The following MBD5 variants were observed in gnomAD, a reference collection of about 807,000 sequenced individuals.
MBD5 encodes the protein methyl-CpG binding domain protein 5, also known as methyl-CpG-binding domain protein 5.
MBD5 carries 13 observed loss-of-function variants against 117.3 expected under a neutral mutation model. That is an observed-to-expected ratio of 0.11 (90% CI 0.07 to 0.18). The LOEUF (loss-of-function observed/expected upper bound fraction) is 0.18. Ranked by LOEUF, MBD5 falls within the 10% of genes least tolerant of loss-of-function variation. MBD5 has a pLI of 1.00. For synonymous variants in MBD5, 727 were observed against 766.4 expected, an observed-to-expected ratio of 0.95 and a Z score of 0.85; for missense variants, 1,879 against 2,093.8, an observed-to-expected ratio of 0.90 and a Z score of 2.00.
At chr2:148,152,753 G>A (rs989873106) in intron 1 of MBD5, among the ~76,000 whole-genome samples, 2 of 150,534 alleles carry the variant, frequency 1.3e-5, no homozygotes, top group South Asian at 2.1e-4. Context: ...CAGAGACTAG[G>A]ATTGCAACCC....
At chr2:148,147,430 C>A (rs972776362) in intron 1 of MBD5, among the ~76,000 whole-genome samples, 1 of 151,046 alleles carries the variant, frequency 6.6e-6, no homozygotes, top group African/African-American at 2.4e-5. Flanking sequence ...TTAGTAGAGA[C>A]GAGGTTTCAC....
chr2:148,103,735 A>T (rs954378644), intron 1 of MBD5, among the ~76,000 whole-genome samples: 4 of 152,144 alleles, frequency 2.6e-5, no homozygotes, highest in Non-Finnish European at 5.9e-5. Flanking sequence ...TGATTTTCTT[A>T]AAAAATTTCA....
At chr2:148,074,507 G>GTTTTTTTTTTTTGTTTTTTTTTTTTGT (rs11443189) in intron 1 of MBD5, among the ~76,000 whole-genome samples, 3 of 113,772 alleles carry the variant, frequency 2.6e-5, no homozygotes, top group Non-Finnish European at 3.5e-5. Flanking sequence ...TTTTTTTTTT[G>GTTTTTTTTTTTTGTTTTTTTTTTTTGT]TTTTTTTTTT....
chr2:148,200,856 A>G (rs1699121711), intron 2 of MBD5, among the ~76,000 whole-genome samples: 1 of 152,166 alleles, frequency 6.6e-6, no homozygotes, highest in South Asian at 2.1e-4. Context: ...TGGCCTTTGT[A>G]TACTTTATTT....
At chr2:148,451,017 A>G (rs1706711635) in intron 4 of MBD5, among the ~76,000 whole-genome samples, 2 of 152,168 alleles carry the variant, frequency 1.3e-5, no homozygotes, top group Non-Finnish European at 2.9e-5. Flanking sequence ...TTCCTACATC[A>G]TTATGATCCC....
At chr2:148,423,839 T>C (rs182915649) in intron 4 of MBD5, among the ~76,000 whole-genome samples, 1 of 151,946 alleles carries the variant, frequency 6.6e-6, no homozygotes, top group Admixed American at 6.6e-5. Context: ...AGGTTCAAAA[T>C]AAAGGGATAA....
intron 1 of MBD5, among the ~76,000 whole-genome samples, chr2:148,060,186 A>G (rs1694992802): frequency 1.5e-5 from 2 of 132,502 alleles, no homozygotes; most frequent in African/African-American, 2.8e-5. Flanking sequence ...GTGCAGGCCT[A>G]TAGTCCCAGA....
intron 3 of MBD5, among the ~76,000 whole-genome samples, chr2:148,272,973 A>G (rs1701021021): frequency 6.6e-6 from 1 of 152,204 alleles, no homozygotes; most frequent in Non-Finnish European, 1.5e-5. Context: ...AAAGTCATGT[A>G]TTTCTAGACA....
intron 1 of MBD5, among the ~76,000 whole-genome samples, chr2:148,127,661 T>C (rs1305678375): frequency 1.3e-5 from 2 of 152,214 alleles, no homozygotes; most frequent in Admixed American, 6.5e-5. Flanking sequence ...ATTCCATGTC[T>C]TTGCTATTGT....
chr2:148,023,735 C>A lies in MBD5; in HGVS notation c.-925+2051C>A, dbSNP rs186390242. Among the ~76,000 whole-genome samples the A allele has an allele frequency of 1.0e-3, 152 of 150,800 alleles. 1 individual carries two copies. Among genetic ancestry groups the A allele is most frequent in the South Asian group, 2.1e-3 (10 of 4,736 alleles). On this transcript the variant is annotated intron_variant, in intron 1 of 13. Coordinates refer to ENST00000642680, the MANE Select transcript of MBD5 (RefSeq NM_001378120.1). Reference sequence around the variant, plus strand: ...GTAGGCAGCTGAGTAAAAATTTAGTCTTGAGTTTAATGTCTTTCCTTATTT... The same window carrying A: ...GTAGGCAGCTGAGTAAAAATTTAGTATTGAGTTTAATGTCTTTCCTTATTT...
intron 4 of MBD5, among the ~76,000 whole-genome samples, chr2:148,395,563 C>G (rs1332484328): frequency 6.6e-6 from 1 of 151,512 alleles, no homozygotes; most frequent in African/African-American, 2.4e-5. Flanking sequence ...TAGCTGGGAT[C>G]ACAGGCATGC....
intron 1 of MBD5, among the ~76,000 whole-genome samples, chr2:148,171,936 G>A (rs942877761): frequency 6.6e-6 from 1 of 152,354 alleles, no homozygotes; most frequent in East Asian, 1.9e-4. Context: ...ACTTTGGGAG[G>A]CTGAAGTGGG....
intron 3 of MBD5, chr2:148,295,680 C>T (rs1701630811): frequency 6.5e-6 from 1 of 153,236 alleles, no homozygotes; most frequent in African/African-American, 2.4e-5. Flanking sequence ...CATCAAAGGA[C>T]AAGCAGAAAT....
chr2:148,170,480 C>A (rs6715654), intron 1 of MBD5, among the ~76,000 whole-genome samples: 124,269 of 152,178 alleles, frequency 0.82, 51,625 homozygotes, highest in East Asian at 0.9. Context: ...AATTCATTGA[C>A]TGTTTGATTT....
chr2:148,365,602 A>T (rs1186467701), intron 4 of MBD5, among the ~76,000 whole-genome samples: 1 of 152,120 alleles, frequency 6.6e-6, no homozygotes, highest in Non-Finnish European at 1.5e-5. Flanking sequence ...AAAAAGAAAA[A>T]GGAGAAGAAT....
chr2:148,374,240 T>TAAACAC (rs150360334), intron 4 of MBD5, among the ~76,000 whole-genome samples: 1 of 141,868 alleles, frequency 7.0e-6, no homozygotes, highest in Non-Finnish European at 1.6e-5. Flanking sequence ...TGTTTATGCA[T>TAAACAC]ACACACACAC....
intron 2 of MBD5, among the ~76,000 whole-genome samples, chr2:148,229,952 A>G (rs1184199221): frequency 6.6e-6 from 1 of 152,098 alleles, no homozygotes; most frequent in African/African-American, 2.4e-5. Context: ...ATTGTGACAT[A>G]ACCACCTCTG....
chr2:148,068,724 G>A (rs1695273477), intron 1 of MBD5: 1 of 152,170 alleles, frequency 6.6e-6, no homozygotes, highest in Admixed American at 6.5e-5. Flanking sequence ...ATCTTAAGAA[G>A]TCAGGAGGTG....
intron 3 of MBD5, among the ~76,000 whole-genome samples, chr2:148,241,508 T>C (rs1471016753): frequency 6.6e-6 from 1 of 152,142 alleles, no homozygotes; most frequent in Non-Finnish European, 1.5e-5. Flanking sequence ...TTTTGGAGTC[T>C]TCCCCATGCA....
Sources: allele counts gnomAD v4.1 joint callset (sites outside exome capture counted in the v4.1 genomes callset), GRCh38; gene constraint gnomAD v4.1.1; transcripts MANE v1.5; gene names NCBI Gene and HGNC (gene_info 2026-07-23, HGNC 2026-07-21).